The following EXT1 variants were observed in gnomAD, a reference collection of about 807,000 sequenced individuals.
EXT1 encodes the protein exostosin glycosyltransferase 1, also known as exostosin-1.
A neutral mutation model predicts 82.5 loss-of-function variants in EXT1; 20 were observed. The observed-to-expected ratio is 0.24, with a 90% confidence interval of 0.17 to 0.35. The LOEUF (loss-of-function observed/expected upper bound fraction) is 0.35. Ranked by LOEUF, EXT1 falls within the 10% of genes least tolerant of loss-of-function variation. EXT1 has a pLI of 1.00. For synonymous variants in EXT1, 348 were observed against 350.8 expected (o/e 0.99, Z 0.09); for missense variants, 757 against 936.5 (o/e 0.81, Z 2.50).
In EXT1 at chr8:118,010,952, A is replaced by G. The variant is rs112099665; in HGVS notation, c.962+99133T>C. Among the ~76,000 whole-genome samples, 185 of 152,358 alleles carry G rather than the reference A, an allele frequency of 1.2e-3. 1 individual carries two copies. Among genetic ancestry groups the G allele is most frequent in the African/African-American group, 4.4e-3 (184 of 41,588 alleles). On this transcript the variant is annotated intron_variant, in intron 1 of 10. Transcript: ENST00000378204. Reference sequence around the variant, plus strand: ...TTCTGTGGGTAATTCAACTCTGTTCAGTAATATGACACTGAGAGGACAACA... The same window carrying G: ...TTCTGTGGGTAATTCAACTCTGTTCGGTAATATGACACTGAGAGGACAACA...
At chr8:117,848,669 G>C (rs528468926) in intron 1 of EXT1, among the ~76,000 whole-genome samples, 6 of 152,152 alleles carry the variant, frequency 3.9e-5, no homozygotes, top group Non-Finnish European at 8.8e-5. Flanking sequence ...TCCAGGAGCT[G>C]CCCATTCATG....
At position 117,812,862 on chromosome 8, in the gene EXT1, G is replaced by A; in HGVS notation, c.1722+10C>T. The A allele has an allele frequency of 6.2e-7, 1 of 1,613,222 alleles. No individual in the cohort carries two copies. The highest frequency in any genetic ancestry group is 8.5e-7 in the Non-Finnish European group (1 of 1,179,444). ...AGCCCACCTGCTGCTCCTCAGGCAT[G>A]GGTTCTTACCTCTGTTGTTGAAAGC... On this transcript the variant is annotated intron_variant, in intron 8 of 10. Transcript: ENST00000378204.
chr8:117,973,182 T>G (rs911369517), intron 1 of EXT1, among the ~76,000 whole-genome samples: 13 of 152,188 alleles, frequency 8.5e-5, no homozygotes, highest in Admixed American at 8.5e-4. Flanking sequence ...CCCTCCTTGA[T>G]TCAATGTGGG....
chr8:118,065,463 C>T (rs1034672087), intron 1 of EXT1, among the ~76,000 whole-genome samples: 2 of 152,130 alleles, frequency 1.3e-5, no homozygotes, highest in Middle Eastern at 3.2e-3. Flanking sequence ...ACCAGAAAAA[C>T]CAGGAACACC....
At chr8:118,025,872 A>C (rs544842780) in intron 1 of EXT1, among the ~76,000 whole-genome samples, 105 of 152,318 alleles carry the variant, frequency 6.9e-4, no homozygotes, top group African/African-American at 2.5e-3. Context: ...GAGAACCCGA[A>C]TCCTGAAATT....
intron 1 of EXT1, among the ~76,000 whole-genome samples, chr8:117,967,013 C>G (rs1814831635): frequency 6.6e-6 from 1 of 152,196 alleles, no homozygotes; most frequent in Admixed American, 6.5e-5. Flanking sequence ...TAAACAAACC[C>G]TCAACCTGCC....
intron 1 of EXT1, among the ~76,000 whole-genome samples, chr8:117,982,695 C>A (rs1815234791): frequency 6.6e-6 from 1 of 152,024 alleles, no homozygotes; most frequent in South Asian, 2.1e-4. Context: ...GGGGTTTCAC[C>A]ATGTTGGCCA....
At chr8:117,922,928 T>C (rs996342212) in intron 1 of EXT1, among the ~76,000 whole-genome samples, 4 of 152,234 alleles carry the variant, frequency 2.6e-5, no homozygotes, top group Non-Finnish European at 4.4e-5. Flanking sequence ...CTAATGCTAG[T>C]ACTGCCTGGA....
At chr8:118,072,534 T>G (rs1246680773) in intron 1 of EXT1, among the ~76,000 whole-genome samples, 1 of 152,210 alleles carries the variant, frequency 6.6e-6, no homozygotes. Flanking sequence ...TAAGCCCCTG[T>G]GACCAGACCG....
intron 7 of EXT1, among the ~76,000 whole-genome samples, chr8:117,814,083 GAGA>G (rs1563568534): frequency 1.3e-5 from 2 of 149,938 alleles, no homozygotes; most frequent in African/African-American, 5.0e-5. Flanking sequence ...GGAGAAGAAG[GAGA>G]AGGAGAAGGA....
At chr8:117,901,702 C>T (rs1038341973) in intron 1 of EXT1, among the ~76,000 whole-genome samples, 10 of 151,808 alleles carry the variant, frequency 6.6e-5, no homozygotes, top group South Asian at 2.1e-4. Flanking sequence ...TTCCTTTTTC[C>T]TTTTTTTGTT....
intron 1 of EXT1, among the ~76,000 whole-genome samples, chr8:118,012,048 T>C (rs1815910527): frequency 6.6e-6 from 1 of 152,208 alleles, no homozygotes; most frequent in Non-Finnish European, 1.5e-5. Context: ...TCAGATCCAG[T>C]GCTCCCTTTC....
rs17505924 is a variant in EXT1 at position 118,071,688 on chromosome 8, A to G, written c.962+38397T>C. ...TCCCATCCTTCTATCCACCCATTCT[A>G]CAAATATCTCACAAGAAACGAATGC... On this transcript the variant is annotated intron_variant, in intron 1 of 10. Transcript: ENST00000378204. Among the ~76,000 whole-genome samples, 398 of 152,312 alleles carry G rather than the reference A, an allele frequency of 2.6e-3. 2 individuals are homozygous for G. Among genetic ancestry groups the G allele is most frequent in the African/African-American group, 9.0e-3 (376 of 41,568 alleles).
intron 1 of EXT1, among the ~76,000 whole-genome samples, chr8:118,056,307 T>G (rs554589092): frequency 2.8e-4 from 42 of 152,302 alleles, no homozygotes; most frequent in African/African-American, 8.9e-4. Context: ...CACACCAATA[T>G]AACCTTTCCC....
At chr8:117,969,666 ATG>A (rs1814898350) in intron 1 of EXT1, among the ~76,000 whole-genome samples, 1 of 152,166 alleles carries the variant, frequency 6.6e-6, no homozygotes, top group African/African-American at 2.4e-5. Context: ...GATCTGAGCT[ATG>A]TGGTGGTGGC....
At chr8:117,962,393 T>C (rs930735183) in intron 1 of EXT1, among the ~76,000 whole-genome samples, 9 of 151,928 alleles carry the variant, frequency 5.9e-5, no homozygotes, top group Non-Finnish European at 1.2e-4. Flanking sequence ...TCCTAGCATT[T>C]TGAGGCCAGG....
chr8:117,912,321 A>C (rs1813664184), intron 1 of EXT1, among the ~76,000 whole-genome samples: 1 of 152,064 alleles, frequency 6.6e-6, no homozygotes, highest in South Asian at 2.1e-4. Flanking sequence ...ACCCTTTACA[A>C]TTTTCTATTT....
intron 1 of EXT1, among the ~76,000 whole-genome samples, chr8:118,100,796 A>G (rs2130021459): frequency 6.6e-6 from 1 of 152,110 alleles, no homozygotes; most frequent in African/African-American, 2.4e-5. Context: ...GCATTAATAG[A>G]GCAGTCAACC....
At position 118,110,693 on chromosome 8, in the gene EXT1, T is replaced by C. The variant is rs1817883163; in HGVS notation, c.354A>G (p.Val118=). The C allele has an allele frequency of 6.2e-7, 1 of 1,614,188 alleles. No homozygotes were observed. The highest frequency in any genetic ancestry group is 2.2e-5 in the East Asian group (1 of 44,880). The change falls in exon 1 of 11, where the codon GTA becomes GTG. Residue 118 remains valine (V), a synonymous_variant. Transcript: ENST00000378204. Reference sequence around the variant, plus strand: ...TTTTCTCCCCTTTTTGCTGTGGGTATACGTAGACTTTGAAGCCGTTTTTCT... The same window carrying C: ...TTTTCTCCCCTTTTTGCTGTGGGTACACGTAGACTTTGAAGCCGTTTTTCT... The part of the protein sequence containing the change: ...LCKKNGFKVY[V]YPQQKGEKIA...
Sources: gnomAD v4.1 joint callset for allele counts (sites outside exome capture counted in the v4.1 genomes callset) on GRCh38, gnomAD v4.1.1 for gene constraint, MANE v1.5 for transcripts, NCBI Gene and HGNC (gene_info 2026-07-23, HGNC 2026-07-21) for gene names.